The following ATRNL1 variants were observed in gnomAD, a reference collection of about 807,000 sequenced individuals.
ATRNL1 encodes the protein attractin-like protein 1.
A neutral mutation model predicts 182.7 loss-of-function variants in ATRNL1; 95 were observed. That is an observed-to-expected ratio of 0.52 (90% CI 0.44 to 0.62). The LOEUF is 0.62. Ranked by LOEUF, ATRNL1 falls within the 20% of genes least tolerant of loss-of-function variation. The pLI is 0.00. For missense variants in ATRNL1, 1,471 were observed against 1,679.5 expected, an observed-to-expected ratio of 0.88 and a Z score of 2.17; for synonymous variants, 576 against 568.3, an observed-to-expected ratio of 1.01 and a Z score of -0.19.
At chr10:115,763,488 C>G (rs1179421013) in intron 27 of ATRNL1, among the ~76,000 whole-genome samples, 1 of 152,136 alleles carries the variant, frequency 6.6e-6, no homozygotes, top group African/African-American at 2.4e-5. Context: ...ATAAATTTCC[C>G]TAGTGAACAG....
rs1163406054 is a variant in ATRNL1, at chr10:115,582,862, A to G, written c.3795+33326A>G. Among the ~76,000 whole-genome samples, 569 of 149,660 alleles carry G rather than the reference A, an allele frequency of 3.8e-3. 5 individuals carry two copies. Among genetic ancestry groups the G allele is most frequent in the African/African-American group, 0.013 (531 of 39,686 alleles). On this transcript the variant is annotated intron_variant, in intron 26 of 28. Transcript: ENST00000355044. The stretch of plus-strand genomic sequence containing the variant: ...TGGTAAAGCCTAGGTTTTCTTCTAG[A>G]GTTTTTATGGTTTTAGGTCTAACGT...
chr10:115,774,901 T>A (rs1949085023), intron 27 of ATRNL1, among the ~76,000 whole-genome samples: 2 of 152,090 alleles, frequency 1.3e-5, no homozygotes, highest in Admixed American at 1.3e-4. Context: ...AGCTGTCTTT[T>A]CTTCTTCTCA....
intron 25 of ATRNL1, among the ~76,000 whole-genome samples, chr10:115,548,797 T>G (rs1852809442): frequency 6.6e-6 from 1 of 152,188 alleles, no homozygotes; most frequent in African/African-American, 2.4e-5. Context: ...ACTACTGACA[T>G]TTTGTATTGC....
At chr10:115,609,646 T>G (rs1857052819) in intron 26 of ATRNL1, among the ~76,000 whole-genome samples, 1 of 151,992 alleles carries the variant, frequency 6.6e-6, no homozygotes, top group Admixed American at 6.6e-5. Context: ...GCCTGCTTTC[T>G]CCTATTCATT....
chr10:115,583,810 G>A (rs1471105554), intron 26 of ATRNL1, among the ~76,000 whole-genome samples: 1 of 150,266 alleles, frequency 6.7e-6, no homozygotes, highest in African/African-American at 2.4e-5. Flanking sequence ...GGTGAGAGAG[G>A]GCATCCCTGT....
chr10:115,376,558 T>C (rs1334267394), intron 19 of ATRNL1, among the ~76,000 whole-genome samples: 1 of 152,178 alleles, frequency 6.6e-6, no homozygotes, highest in African/African-American at 2.4e-5. Flanking sequence ...GGGGTCTCGC[T>C]ATGTTGCCCA....
At position 115,533,550 on chromosome 10, in the gene ATRNL1, C is replaced by T. The variant is rs1408560237; in HGVS notation, c.3716+14226C>T. ...CAATTTTGTTGATCCTTTCAAAAAA[C>T]CAGCTCCTGGATTCATTAATTTTTT... On this transcript the variant is annotated intron_variant, in intron 25 of 28. Coordinates refer to ENST00000355044, the MANE Select transcript of ATRNL1 (RefSeq NM_207303.4). 1.1e-4 allele frequency among the ~76,000 whole-genome samples: 16 copies of T among 152,120 alleles called. 1 individual carries two copies. The highest frequency in any genetic ancestry group is 3.2e-3 in the Middle Eastern group (1 of 316).
At chr10:115,730,253 C>CAAAAAAAAAAA (rs535690432) in intron 27 of ATRNL1, among the ~76,000 whole-genome samples, 1 of 61,418 alleles carries the variant, frequency 1.6e-5, no homozygotes, top group Non-Finnish European at 2.8e-5. Flanking sequence ...TAGGACTCCT[C>CAAAAAAAAAAA]AAAAAAAAAA....
chr10:115,093,957 C>T lies in ATRNL1; in HGVS notation c.207C>T (p.Cys69=), dbSNP rs782716967. 5.0e-6 allele frequency: 8 copies of T among 1,588,586 alleles called. No homozygotes were observed. In the South Asian group the frequency reaches 5.7e-5, roughly 11 times the overall value. ...QSKPCERTGS[C]FSGRCVNSTC... ...AGCCGTGCGAGAGGACCGGCTCCTGCTTCTCGGGCCGCTGTGTCAACTCCA... is the reference window on the plus strand; with the variant it reads ...AGCCGTGCGAGAGGACCGGCTCCTGTTTCTCGGGCCGCTGTGTCAACTCCA... Residue 69 remains cysteine (C), a synonymous_variant, in exon 1 of 29, where the codon TGC becomes TGT. Transcript: ENST00000355044. This position sits in a 1 kb window ranked among gnomAD's most constrained non-coding sequence, Gnocchi z 6.1.
At chr10:115,256,120 AGGCTTTGGTATCAGGATGATGCT>A (rs1314408577) in intron 10 of ATRNL1, among the ~76,000 whole-genome samples, 1 of 152,160 alleles carries the variant, frequency 6.6e-6, no homozygotes, top group East Asian at 1.9e-4. Context: ...TGTCTCTACC[AGGCTTTGGTATCAGGATGATGCT>A]GGCCTCATAA....
intron 27 of ATRNL1, among the ~76,000 whole-genome samples, chr10:115,786,398 A>G (rs1208741150): frequency 6.6e-6 from 1 of 152,166 alleles, no homozygotes; most frequent in Non-Finnish European, 1.5e-5. Context: ...GGTGTTGGCC[A>G]TGCTTCCTTG....
chr10:115,360,174 AT>A (rs1434887554), intron 19 of ATRNL1, among the ~76,000 whole-genome samples: 18 of 151,902 alleles, frequency 1.2e-4, no homozygotes, highest in African/African-American at 4.1e-4. Flanking sequence ...TACCCTTAAT[AT>A]ATGTAGGAAA....
chr10:115,579,275 A>G (rs1372968252), intron 26 of ATRNL1, among the ~76,000 whole-genome samples: 1 of 151,788 alleles, frequency 6.6e-6, no homozygotes, highest in African/African-American at 2.4e-5. Flanking sequence ...TCTATCCATT[A>G]TTGAAAGTGT....
At chr10:115,749,423 T>C (rs1438181092) in intron 27 of ATRNL1, among the ~76,000 whole-genome samples, 5 of 151,748 alleles carry the variant, frequency 3.3e-5, no homozygotes, top group Non-Finnish European at 5.9e-5. Flanking sequence ...TGCTGATATA[T>C]AAACATAGAA....
At chr10:115,856,595 G>A (rs1205809416) in intron 28 of ATRNL1, among the ~76,000 whole-genome samples, 1 of 152,058 alleles carries the variant, frequency 6.6e-6, no homozygotes, top group Non-Finnish European at 1.5e-5. Context: ...CTGGGGGTCA[G>A]TGGCAGGGGT....
At chr10:115,903,339 C>T (rs183698001) in intron 28 of ATRNL1, among the ~76,000 whole-genome samples, 1 of 152,234 alleles carries the variant, frequency 6.6e-6, no homozygotes, top group Non-Finnish European at 1.5e-5. Flanking sequence ...CCCTCCATTT[C>T]CCTGGCCTGG....
chr10:115,140,869 G>A (rs547775307), intron 5 of ATRNL1, among the ~76,000 whole-genome samples: 2 of 152,122 alleles, frequency 1.3e-5, no homozygotes, highest in East Asian at 1.9e-4. Context: ...ACACTTTATT[G>A]TAACTTACTC....
chr10:115,842,306 A>G (rs1555097393), intron 27 of ATRNL1, among the ~76,000 whole-genome samples: 1 of 152,136 alleles, frequency 6.6e-6, no homozygotes, highest in East Asian at 1.9e-4. Context: ...TATTCATCAT[A>G]TGGTATAAAA....
intron 19 of ATRNL1, among the ~76,000 whole-genome samples, chr10:115,361,937 A>G (rs554951631): frequency 1.8e-4 from 27 of 151,994 alleles, no homozygotes; most frequent in African/African-American, 6.5e-4. Context: ...TCAAAGAATG[A>G]ATTACTTTAC....
Sources: gnomAD v4.1 joint callset for allele counts (sites outside exome capture counted in the v4.1 genomes callset) on GRCh38, gnomAD v4.1.1 for gene constraint, Gnocchi (gnomAD v3.1) non-coding constraint, MANE v1.5 for transcripts, NCBI Gene and HGNC (gene_info 2026-07-23, HGNC 2026-07-21) for gene names.